Variants in F10 observed in about 807,000 individuals in gnomAD.
F10 encodes the protein Stuart-Prower factor.
A neutral mutation model predicts 37.1 loss-of-function variants in F10; 29 were observed. That is an observed-to-expected ratio of 0.78 (90% CI 0.58 to 1.07). The LOEUF is 1.07. Among genes scored for constraint, F10 ranks in the 50% least tolerant of loss-of-function variants. The pLI, the probability that F10 is intolerant of heterozygous loss-of-function variation, is 0.00. For missense variants in F10, 539 were observed against 667.9 expected, an observed-to-expected ratio of 0.81 and a Z score of 2.13; for synonymous variants, 262 against 268.6, an observed-to-expected ratio of 0.98 and a Z score of 0.24.
chr13:113,143,703 G>GC lies in F10; in HGVS notation c.503-148_503-147insC. 1.3e-5 allele frequency: 15 copies of GC among 1,188,342 alleles called. No individual in the cohort carries two copies. Among genetic ancestry groups the GC allele is most frequent in the South Asian group, 4.8e-5 (3 of 62,632 alleles). 73.6% of individuals were successfully genotyped at this position (1,188,342 alleles called of 1,614,324 possible). On this transcript the variant is annotated intron_variant, in intron 5 of 7. Transcript: ENST00000375559. This position sits in a 1 kb window ranked among gnomAD's most constrained non-coding sequence, Gnocchi z 6.8. ...CAGATCCGACCCCTGCCGACGACGT[G>GC]GGGCCTCGCCCTGCAAGCCCGCTGC...
chr13:113,124,604 C>T (rs1566914108), intron 1 of F10, among the ~76,000 whole-genome samples: 1 of 152,216 alleles, frequency 6.6e-6, no homozygotes, highest in Admixed American at 6.5e-5. Flanking sequence ...CCACTCAGGA[C>T]CCTGCTGTGC....
chr13:113,132,320 C>T (rs951447597), intron 2 of F10, among the ~76,000 whole-genome samples: 1 of 152,168 alleles, frequency 6.6e-6, no homozygotes, highest in East Asian at 1.9e-4. Flanking sequence ...CACTCAGCAT[C>T]GTTTCTCAAA....
chr13:113,125,258 G>C (rs949353743), intron 1 of F10, among the ~76,000 whole-genome samples: 1 of 152,212 alleles, frequency 6.6e-6, no homozygotes, highest in African/African-American at 2.4e-5. Context: ...AACTACTGCT[G>C]TTGTACTGGC....
At position 113,148,363 on chromosome 13, in the gene F10, T is replaced by TATATATATAC. The variant is rs56165023; in HGVS notation, c.866-553_866-552insATATATATAC. Reference sequence around the variant, plus strand: ...AAAAAAAAATATATATATATATATATGTATATATATATGTGTATATATATA... The same window carrying TATATATATAC: ...AAAAAAAAATATATATATATATATATATATATATACGTATATATATATGTGTATATATATA... On this transcript the variant is annotated intron_variant, in intron 7 of 7. Coordinates refer to ENST00000375559, the MANE Select transcript of F10 (RefSeq NM_000504.4). Among the ~76,000 whole-genome samples the TATATATATAC allele has an allele frequency of 4.9e-3, 535 of 110,242 alleles. 4 individuals carry two copies. Among genetic ancestry groups the TATATATATAC allele is most frequent in the Non-Finnish European group, 7.0e-3 (397 of 57,060 alleles). 72.3% of individuals were successfully genotyped at this position (110,242 alleles called of 152,430 possible).
chr13:113,126,820 CAACAT>C (rs1246906586), intron 1 of F10, among the ~76,000 whole-genome samples: 1 of 152,276 alleles, frequency 6.6e-6, no homozygotes, highest in African/African-American at 2.4e-5. Context: ...GTGGTCATCC[CAACAT>C]GAGAGCCAGA....
In F10 at chr13:113,139,278, C is replaced by G; in HGVS notation, c.257-79C>G. 8.5e-7 allele frequency: 1 copy of G among 1,178,782 alleles called. No homozygotes were observed. Among genetic ancestry groups the G allele is most frequent in the Non-Finnish European group, 1.3e-6 (1 of 796,560 alleles). The allele number at this position is 1,178,782 out of a possible 1,614,324, so 73.0% of individuals were successfully genotyped here. A position where few individuals can be genotyped will look rare whatever the true frequency, so the allele number is the denominator to read the frequency against. On this transcript the variant is annotated intron_variant, in intron 3 of 7. Coordinates refer to ENST00000375559, the MANE Select transcript of F10 (RefSeq NM_000504.4). This position sits in a 1 kb window ranked among gnomAD's most constrained non-coding sequence, Gnocchi z 5.2. Reference sequence around the variant, plus strand: ...CTTCCAGTTATCTGAACGGCAGGGCCAAGGTTAGCACAGCAAAACTGTTTC... The same window carrying G: ...CTTCCAGTTATCTGAACGGCAGGGCGAAGGTTAGCACAGCAAAACTGTTTC...
intron 1 of F10, chr13:113,128,886 G>GTAAAAAAA (rs2036396794): frequency 2.2e-5 from 1 of 44,818 alleles, no homozygotes; most frequent in Non-Finnish European, 4.5e-5. Flanking sequence ...ATCTTAAAGA[G>GTAAAAAAA]AAAAAAAAAA....
In F10 at chr13:113,144,032, C is replaced by T. The variant is rs543723658; in HGVS notation, c.684C>T (p.Gly228=). 16 of 1,613,676 alleles carry T rather than the reference C, an allele frequency of 9.9e-6. No individual in the cohort carries two copies. Among genetic ancestry groups the T allele is most frequent in the East Asian group, 8.9e-5 (4 of 44,838 alleles). The change falls in exon 6 of 8, where the codon GGC becomes GGT. Residue 228 remains glycine (G), a synonymous_variant. Coordinates refer to ENST00000375559, the MANE Select transcript of F10 (RefSeq NM_000504.4). This position sits in a 1 kb window ranked among gnomAD's most constrained non-coding sequence, Gnocchi z 6.4. Reference sequence around the variant, plus strand: ...TCAACCAGACGCAGCCTGAGAGGGGCGACAACAACCTCACCAGGATCGTGG... The same window carrying T: ...TCAACCAGACGCAGCCTGAGAGGGGTGACAACAACCTCACCAGGATCGTGG... ...LDFNQTQPER[G]DNNLTRIVGG...
chr13:113,124,461 G>A (rs1566914066), intron 1 of F10, among the ~76,000 whole-genome samples: 2 of 152,178 alleles, frequency 1.3e-5, no homozygotes, highest in Admixed American at 6.5e-5. Context: ...CCCGGGGGCC[G>A]GCCTGGACCC....
In F10 at chr13:113,149,499, G is replaced by A. The variant is rs373851409; in HGVS notation, c.1449G>A (p.Thr483=). 1.1e-5 allele frequency: 18 copies of A among 1,613,010 alleles called. No individual in the cohort carries two copies. Among genetic ancestry groups the A allele is most frequent in the Admixed American group, 1.7e-5 (1 of 60,014 alleles). The stretch of plus-strand genomic sequence containing the variant: ...AGAGCCATGCCCCGGAGGTCATAAC[G>A]TCCTCTCCATTAAAGTGAGATCCCA... ...KAKSHAPEVI[T]SSPLK Residue 483 remains threonine, a synonymous_variant, in exon 8 of 8, where the codon ACG becomes ACA. Coordinates refer to ENST00000375559, the MANE Select transcript of F10 (RefSeq NM_000504.4). The surrounding 1 kb of genome is among the most constrained non-coding windows in gnomAD (Gnocchi z 7.5).
Position 113,144,261 on chromosome 13 carries a change from G to A in F10, c.747+166G>A, listed in dbSNP as rs1023691193. ...GCCTGCCTGCCTGTCCCCTCCCTCC[G>A]GGCAGCCAAGGAGGCTGTGAGCTCC... is the stretch of plus-strand genomic sequence containing the variant. On this transcript the variant is annotated intron_variant, in intron 6 of 7. Transcript: ENST00000375559. The surrounding 1 kb of genome is among the most constrained non-coding windows in gnomAD (Gnocchi z 6.4). 4.9e-5 allele frequency: 52 copies of A among 1,064,562 alleles called. No homozygotes were observed. The highest frequency in any genetic ancestry group is 5.7e-5 in the Non-Finnish European group (42 of 733,728). 65.9% of individuals were successfully genotyped at this position (1,064,562 alleles called of 1,614,324 possible). A position where few individuals can be genotyped will look rare whatever the true frequency, so the allele number is the denominator to read the frequency against.
intron 2 of F10, among the ~76,000 whole-genome samples, chr13:113,137,909 T>G (rs2036494003): frequency 1.3e-5 from 2 of 152,192 alleles, no homozygotes; most frequent in Admixed American, 1.3e-4. Context: ...CCAATTAAGG[T>G]TCTATTCTGA....
intron 1 of F10, 113 bp downstream of exon 1, chr13:113,123,038 GC>G: frequency 7.9e-7 from 1 of 1,270,124 alleles, no homozygotes. Context: ...CTTGAGTGCT[GC>G]CAGAGGCTGG....
intron 2 of F10, among the ~76,000 whole-genome samples, chr13:113,132,633 C>T (rs483743): frequency 1.3e-5 from 2 of 152,126 alleles, no homozygotes; most frequent in South Asian, 2.1e-4. Context: ...AGCTATTTGA[C>T]GACCCTAAAA....
intron 2 of F10, chr13:113,130,291 AT>A (rs2036420138): frequency 6.4e-6 from 1 of 155,438 alleles, no homozygotes; most frequent in Admixed American, 6.3e-5. Flanking sequence ...CCAGGCCGCG[AT>A]TGCGCAGCCG....
chr13:113,145,761 C>T lies in F10; in HGVS notation c.748-1618C>T, dbSNP rs529894720. On this transcript the variant is annotated intron_variant, in intron 6 of 7. Coordinates refer to ENST00000375559, the MANE Select transcript of F10 (RefSeq NM_000504.4). ...GAGAGAACAAGCAAAAGGGGTTTCC[C>T]CTTAGAAAACCATCAGCTCTTGTGA... Among the ~76,000 whole-genome samples, 30 of 152,304 alleles carry T rather than the reference C, an allele frequency of 2.0e-4. No individual in the cohort carries two copies. In the South Asian group the frequency reaches 5.8e-3, roughly 29 times the overall value.
rs1216497039 is a variant in F10 at position 113,146,323 on chromosome 13, C to T, written c.748-1056C>T. 6.6e-6 allele frequency among the ~76,000 whole-genome samples: 1 copy of T among 152,052 alleles called. No homozygotes were observed. The highest frequency in any genetic ancestry group is 6.6e-5 in the Admixed American group (1 of 15,264). The stretch of plus-strand genomic sequence containing the variant: ...CACTGTGTGGTTGGGGCAAGAACCT[C>T]GATGCAGGAGACCCCACCGAGGATG... On this transcript the variant is annotated intron_variant, in intron 6 of 7. Transcript: ENST00000375559. This position sits in a 1 kb window ranked among gnomAD's most constrained non-coding sequence, Gnocchi z 4.5.
Position 113,144,163 on chromosome 13 carries a change from C to G in F10, c.747+68C>G, listed in dbSNP as rs911060487. 6.2e-7 allele frequency: 1 copy of G among 1,603,758 alleles called. No homozygotes were observed. The highest frequency in any genetic ancestry group is 1.7e-5 in the Admixed American group (1 of 59,930). ...TGTCCCGCTGTGCACCTCGGGGAGG[C>G]CAGCCTGACACTTGGAATAGCAATC... On this transcript the variant is annotated intron_variant, in intron 6 of 7. Coordinates refer to ENST00000375559, the MANE Select transcript of F10 (RefSeq NM_000504.4). The surrounding 1 kb of genome is among the most constrained non-coding windows in gnomAD (Gnocchi z 6.4).
At chr13:113,137,771 C>G (rs1237269391) in intron 2 of F10, among the ~76,000 whole-genome samples, 1 of 152,180 alleles carries the variant, frequency 6.6e-6, no homozygotes, top group Admixed American at 6.5e-5. Flanking sequence ...ATGGCCTTCT[C>G]TCTCTGTGCC....
Sources: gnomAD v4.1 joint callset for allele counts (sites outside exome capture counted in the v4.1 genomes callset) on GRCh38, gnomAD v4.1.1 for gene constraint, Gnocchi (gnomAD v3.1) non-coding constraint, MANE v1.5 for transcripts, NCBI Gene and HGNC (gene_info 2026-07-23, HGNC 2026-07-21) for gene names.